The following BIVM variants were observed in gnomAD, a reference collection of about 807,000 sequenced individuals.
BIVM encodes the protein basic immunoglobulin-like variable motif-containing protein.
Under a neutral mutation model 61.4 loss-of-function variants are expected in BIVM, and 31 were observed. The observed-to-expected ratio is 0.51, with a 90% CI of 0.38 to 0.68. The LOEUF (loss-of-function observed/expected upper bound fraction) is 0.68. Among genes scored for constraint, BIVM ranks in the 30% least tolerant of loss-of-function variants. The pLI is 0.00. For synonymous variants in BIVM, 189 were observed against 210.7 expected, an observed-to-expected ratio of 0.90 and a Z score of 0.89; for missense variants, 526 against 596.0, an observed-to-expected ratio of 0.88 and a Z score of 1.22.
chr13:102,830,439 C>T (rs989260991), intron 7 of BIVM, among the ~76,000 whole-genome samples: 2 of 152,142 alleles, frequency 1.3e-5, no homozygotes, highest in Non-Finnish European at 2.9e-5. Context: ...CTAGGACATG[C>T]CAGTTAATGA....
chr13:102,817,598 G>A (rs1395981882), intron 4 of BIVM, among the ~76,000 whole-genome samples: 1 of 152,070 alleles, frequency 6.6e-6, no homozygotes, highest in African/African-American at 2.4e-5. Flanking sequence ...TTACCTTATG[G>A]TTTTAGCCAA....
intron 9 of BIVM, 61 bp from the exon 10 acceptor site, chr13:102,838,582 C>A: frequency 7.1e-7 from 1 of 1,406,314 alleles, no homozygotes. Flanking sequence ...TGAAAAATTC[C>A]ATTGCAATGA....
At chr13:102,800,027 C>T (rs1055487117) in intron 1 of BIVM, among the ~76,000 whole-genome samples, 1 of 152,214 alleles carries the variant, frequency 6.6e-6, no homozygotes, top group African/African-American at 2.4e-5. Flanking sequence ...GCAGTCGGAC[C>T]CGGAGCCGCC....
intron 6 of BIVM, 90 bp from the exon 7 acceptor site, chr13:102,821,975 T>G: frequency 6.5e-7 from 1 of 1,546,656 alleles, no homozygotes; most frequent in Non-Finnish European, 8.9e-7. Context: ...TATACCAACT[T>G]TGGGCTATGC....
Position 102,807,274 on chromosome 13 carries a change from A to G in BIVM, c.7A>G (p.Asn3Asp), listed in dbSNP as rs148132428. The G allele has an allele frequency of 5.1e-5, 82 of 1,604,440 alleles. No homozygotes were observed. The highest frequency in any genetic ancestry group is 6.9e-5 in the Non-Finnish European group (81 of 1,173,326). Reference protein sequence around the residue: MPNVAETERSNDS... With the variant: MPDVAETERSNDS... ...AACTTTTACACTGCATTCAATGCCT[A>G]ACGTTGCAGAAACAGAAAGGTCAAA... Residue 3 changes from asparagine to aspartate, a missense_variant, in exon 3 of 11, where the codon AAC becomes GAC. Physicochemically the swap from Asn to Asp is conservative, Grantham distance 23. Coordinates refer to ENST00000257336, the MANE Select transcript of BIVM (RefSeq NM_017693.4). This position sits in a 1 kb window ranked among gnomAD's most constrained non-coding sequence, Gnocchi z 4.0.
intron 1 of BIVM, among the ~76,000 whole-genome samples, chr13:102,803,702 C>CT (rs1878887311): frequency 6.6e-6 from 1 of 152,046 alleles, no homozygotes; most frequent in South Asian, 2.1e-4. Flanking sequence ...CTCACCGAGA[C>CT]TATATGCTCT....
At chr13:102,812,727 A>C (rs1321709088) in intron 3 of BIVM, among the ~76,000 whole-genome samples, 1 of 152,160 alleles carries the variant, frequency 6.6e-6, no homozygotes, top group Non-Finnish European at 1.5e-5. Flanking sequence ...GAGAGGAAAA[A>C]AAACAGAACA....
chr13:102,805,071 AGAGATATTAACTG>A (rs1878972716), intron 1 of BIVM, among the ~76,000 whole-genome samples: 1 of 152,214 alleles, frequency 6.6e-6, no homozygotes, highest in Non-Finnish European at 1.5e-5. Flanking sequence ...GCAAATGGGC[AGAGATATTAACTG>A]GTAAAAGTCC....
At position 102,831,710 on chromosome 13, in the gene BIVM, G is replaced by T. The variant is rs2181676; in HGVS notation, c.1034+13G>T. 6.2e-7 allele frequency: 1 copy of T among 1,613,850 alleles called. No homozygotes were observed. Among genetic ancestry groups the T allele is most frequent in the Non-Finnish European group, 8.5e-7 (1 of 1,180,030 alleles). On this transcript the variant is annotated intron_variant, in intron 8 of 10. Transcript: ENST00000257336. ...ATAAAGCATTCAGGTAAGCATTGAC[G>T]TGTTTTAGAAAGTGCATTTTAAGAA...
At chr13:102,826,813 A>C (rs533996571) in intron 7 of BIVM, among the ~76,000 whole-genome samples, 9 of 152,318 alleles carry the variant, frequency 5.9e-5, no homozygotes, top group African/African-American at 1.9e-4. Flanking sequence ...GAGAGGATAG[A>C]TGAAGAGATG....
At chr13:102,808,632 G>C (rs1044941101) in intron 3 of BIVM, among the ~76,000 whole-genome samples, 1 of 151,964 alleles carries the variant, frequency 6.6e-6, no homozygotes, top group Admixed American at 6.6e-5. Context: ...TTTTCTTTTT[G>C]TCTAATGCCT....
Position 102,800,181 on chromosome 13 carries a change from G to T in BIVM, c.-207+660G>T, listed in dbSNP as rs1354142475. 2.6e-5 allele frequency among the ~76,000 whole-genome samples: 4 copies of T among 152,350 alleles called. No homozygotes were observed. In the East Asian group the frequency reaches 5.8e-4, roughly 22 times the overall value. On this transcript the variant is annotated intron_variant, in intron 1 of 10. Transcript: ENST00000257336. ...TGCAATTGTCATTATTAATGATACC[G>T]ACTCGTTTACTCAAACAGTCGAATC...
chr13:102,838,626 TTTC>T lies in BIVM; in HGVS notation c.1122-11_1122-9del. 6.3e-7 allele frequency: 1 copy of T among 1,591,372 alleles called. No individual in the cohort carries two copies. The highest frequency in any genetic ancestry group is 8.5e-7 in the Non-Finnish European group (1 of 1,171,372). On this transcript the variant is annotated splice_polypyrimidine_tract_variant and intron_variant, in intron 9 of 10. Coordinates refer to ENST00000257336, the MANE Select transcript of BIVM (RefSeq NM_017693.4). ...ACCTAAAGAAAATTGTGCTTTATCC[TTTC>T]TTCTTAACTATAGATGGGCAGATAT...
chr13:102,814,545 G>A (rs1196422687), intron 3 of BIVM, among the ~76,000 whole-genome samples: 2 of 152,072 alleles, frequency 1.3e-5, no homozygotes, highest in Non-Finnish European at 1.5e-5. Context: ...AAGTGGCTGG[G>A]AAAACTACTT....
At chr13:102,829,480 T>C (rs1382923000) in intron 7 of BIVM, among the ~76,000 whole-genome samples, 2 of 152,174 alleles carry the variant, frequency 1.3e-5, no homozygotes, top group African/African-American at 4.8e-5. Context: ...CTTCCCTCAG[T>C]AATACATTTG....
At chr13:102,834,156 A>G (rs935848064) in intron 8 of BIVM, among the ~76,000 whole-genome samples, 1 of 152,254 alleles carries the variant, frequency 6.6e-6, no homozygotes, top group Non-Finnish European at 1.5e-5. Context: ...TCATAGTGAA[A>G]GGAGAAGAGT....
rs374371504 is a variant in BIVM, at chr13:102,837,638, G to A, written c.1122-1005G>A. Among the ~76,000 whole-genome samples the A allele has an allele frequency of 5.9e-5, 9 of 152,314 alleles. No homozygotes were observed. The South Asian group carries it at 1.9e-3, about 32-fold the overall frequency. Reference sequence around the variant, plus strand: ...GGTACAATTCGCAGTTGCAAAGATGGAGAATCAACCTAAGTGCCCATCAAC... The same window carrying A: ...GGTACAATTCGCAGTTGCAAAGATGAAGAATCAACCTAAGTGCCCATCAAC... On this transcript the variant is annotated intron_variant, in intron 9 of 10. Transcript: ENST00000257336.
chr13:102,828,605 C>G (rs1566453698), intron 7 of BIVM, among the ~76,000 whole-genome samples: 1 of 152,236 alleles, frequency 6.6e-6, no homozygotes, highest in Non-Finnish European at 1.5e-5. Flanking sequence ...CTTGAACATG[C>G]AGTGCTAACA....
chr13:102,830,020 T>G (rs1880956564), intron 7 of BIVM, among the ~76,000 whole-genome samples: 1 of 152,142 alleles, frequency 6.6e-6, no homozygotes, highest in Admixed American at 6.5e-5. Flanking sequence ...CTGAGTATAT[T>G]CCTTTTCCCC....
Sources: allele counts gnomAD v4.1 joint callset (sites outside exome capture counted in the v4.1 genomes callset), GRCh38; gene constraint gnomAD v4.1.1; non-coding constraint Gnocchi (gnomAD v3.1); transcripts MANE v1.5; gene names NCBI Gene and HGNC (gene_info 2026-07-23, HGNC 2026-07-21).